Variants in KCNQ2 observed in about 807,000 individuals in gnomAD.
KCNQ2 encodes potassium voltage-gated channel subfamily KQT member 2.
Under a neutral mutation model 84.8 loss-of-function variants are expected in KCNQ2, and 14 were observed. The observed-to-expected ratio is 0.17, with a 90% confidence interval of 0.11 to 0.26. KCNQ2 has a LOEUF of 0.26. Ranked by LOEUF, KCNQ2 falls within the 10% of genes least tolerant of loss-of-function variation. KCNQ2 has a pLI of 1.00. For missense variants in KCNQ2, 788 were observed against 1,254.0 expected (o/e 0.63, Z 5.61); for synonymous variants, 599 against 554.1 (o/e 1.08, Z -1.14).
rs1391841712 is a variant in KCNQ2 at position 63,438,767 on chromosome 20, C to G, written c.928-47G>C. The G allele has an allele frequency of 6.4e-7, 1 of 1,552,028 alleles. No individual in the cohort carries two copies. Among genetic ancestry groups the G allele is most frequent in the Middle Eastern group, 1.7e-4 (1 of 5,918 alleles). On this transcript the variant is annotated intron_variant, in intron 6 of 16. Coordinates refer to ENST00000359125, the MANE Select transcript of KCNQ2 (RefSeq NM_172107.4). The surrounding 1 kb of genome is among the most constrained non-coding windows in gnomAD (Gnocchi z 5.1). Reference sequence around the variant, plus strand: ...TCACACCCCAGGGACCCCCCACACCCCAATTCATCAGGGTCAGACCATGCT... The same window carrying G: ...TCACACCCCAGGGACCCCCCACACCGCAATTCATCAGGGTCAGACCATGCT...
chr20:63,452,454 T>A (rs2081641733), intron 1 of KCNQ2, among the ~76,000 whole-genome samples: 1 of 151,998 alleles, frequency 6.6e-6, no homozygotes, highest in South Asian at 2.1e-4. Context: ...CGGCAGAGGG[T>A]CACTAGCTTC....
Position 63,451,331 on chromosome 20 carries a change from T to C in KCNQ2, c.297-4494A>G, listed in dbSNP as rs898065868. On this transcript the variant is annotated intron_variant, in intron 1 of 16. Transcript: ENST00000359125. ...GTATTAACCCTCTGTCTTGTGTCTT[T>C]TTCCTCATGATGTTAAACCTGGCTT... Among the ~76,000 whole-genome samples, 4 of 152,104 alleles carry C rather than the reference T, an allele frequency of 2.6e-5. No homozygotes were observed. In the South Asian group the frequency reaches 8.3e-4, roughly 32 times the overall value.
chr20:63,417,302 G>A (rs886910179), intron 12 of KCNQ2, among the ~76,000 whole-genome samples: 4 of 152,202 alleles, frequency 2.6e-5, no homozygotes, highest in African/African-American at 4.8e-5. Context: ...TTTCTCCACC[G>A]CACGAGCCAT....
chr20:63,463,218 C>T (rs2145878235), intron 1 of KCNQ2, among the ~76,000 whole-genome samples: 1 of 152,256 alleles, frequency 6.6e-6, no homozygotes, highest in African/African-American at 2.4e-5. Flanking sequence ...GCTACAATCA[C>T]ACCACTGCAC....
chr20:63,438,090 G>C lies in KCNQ2; in HGVS notation c.1023+535C>G, dbSNP rs2081058296. On this transcript the variant is annotated intron_variant, in intron 7 of 16. Transcript: ENST00000359125. This position sits in a 1 kb window ranked among gnomAD's most constrained non-coding sequence, Gnocchi z 5.1. ...CCCAAAGTGCTGGGATTGCAGGCGTGAGCCACTGTGCCCGGCCATTGTCTG... is the reference window on the plus strand; with the variant it reads ...CCCAAAGTGCTGGGATTGCAGGCGTCAGCCACTGTGCCCGGCCATTGTCTG... 1.8e-5 allele frequency: 3 copies of C among 166,534 alleles called. No individual in the cohort carries two copies. The highest frequency in any genetic ancestry group is 7.2e-5 in the African/African-American group (3 of 41,900). The allele number at this position is 166,534 out of a possible 1,614,324, so 10.3% of individuals were successfully genotyped here. A position where few individuals can be genotyped will look rare whatever the true frequency, so the allele number is the denominator to read the frequency against.
intron 4 of KCNQ2, among the ~76,000 whole-genome samples, chr20:63,442,733 A>C (rs2081219439): frequency 3.6e-5 from 1 of 27,892 alleles, no homozygotes; most frequent in Non-Finnish European, 7.3e-5. Context: ...CATCATCACC[A>C]CCTCCACCAT....
At chr20:63,452,587 C>G (rs1040181877) in intron 1 of KCNQ2, among the ~76,000 whole-genome samples, 8 of 152,244 alleles carry the variant, frequency 5.3e-5, no homozygotes, top group Non-Finnish European at 8.8e-5. Context: ...TGTATGCATA[C>G]AGTGGGCATC....
rs754682495 is a variant in KCNQ2, at chr20:63,424,192, G to T, written c.1232C>A (p.Pro411Gln). ...GGGCACTGACCTTGGAGACGGCTCC[G>T]GCGGGGGGTCCTTCCTTCAAACAGA... ...SGLAFRKDPP[P>Q]EPSPSKGSPC... The change falls in exon 11 of 17, where the codon CCG becomes CAG. Residue 411 changes from proline to glutamine, a missense_variant. Coordinates refer to ENST00000359125, the MANE Select transcript of KCNQ2 (RefSeq NM_172107.4). The T allele has an allele frequency of 1.3e-6, 2 of 1,556,060 alleles. No individual in the cohort carries two copies. The highest frequency in any genetic ancestry group is 2.4e-5 in the South Asian group (2 of 84,372).
At chr20:63,413,637 C>CA in intron 14 of KCNQ2, 56 bp from the exon 15 acceptor site, 3 of 1,607,006 alleles carry the variant, frequency 1.9e-6, no homozygotes, top group Non-Finnish European at 8.5e-7. Context: ...CGGCCACAGG[C>CA]ACCAGGACCT....
At chr20:63,465,434 T>G (rs570784712) in intron 1 of KCNQ2, among the ~76,000 whole-genome samples, 5 of 152,084 alleles carry the variant, frequency 3.3e-5, no homozygotes, top group Admixed American at 6.5e-5. Flanking sequence ...GGACAGAGCC[T>G]CCTCCTGCAG....
Position 63,414,214 on chromosome 20 carries a change from C to T in KCNQ2, c.1526-21G>A, listed in dbSNP as rs777720327. ...TGCTTCTGGGGGGAAGGAGACAGGC[C>T]GTGAGGGGCCGAGGGGGCCGGGAGA... On this transcript the variant is annotated intron_variant, in intron 13 of 16. Coordinates refer to ENST00000359125, the MANE Select transcript of KCNQ2 (RefSeq NM_172107.4). The surrounding 1 kb of genome is among the most constrained non-coding windows in gnomAD (Gnocchi z 6.6). The T allele has an allele frequency of 1.8e-5, 28 of 1,568,632 alleles. No homozygotes were observed. Among genetic ancestry groups the T allele is most frequent in the Non-Finnish European group, 2.1e-5 (24 of 1,139,602 alleles).
rs751372070 is a variant in KCNQ2, at chr20:63,415,146, C to CAGACAGAT, written c.1302-21_1302-20insATCTGTCT. 4 of 1,566,788 alleles carry CAGACAGAT rather than the reference C, an allele frequency of 2.6e-6. No individual in the cohort carries two copies. In the Admixed American group the frequency reaches 6.8e-5, roughly 27 times the overall value. On this transcript the variant is annotated intron_variant, in intron 12 of 16. Coordinates refer to ENST00000359125, the MANE Select transcript of KCNQ2 (RefSeq NM_172107.4). Reference sequence around the variant, plus strand: ...TTCTGGCTGCTCCCACGGGAACCGACAGACAGACAGAAAAACAGGGAGAGA... The same window carrying CAGACAGAT: ...TTCTGGCTGCTCCCACGGGAACCGACAGACAGATAGACAGACAGAAAAACAGGGAGAGA...
At position 63,408,834 on chromosome 20, in the gene KCNQ2, G is replaced by A. The variant is rs1432709561; in HGVS notation, c.1764-298C>T. Among the ~76,000 whole-genome samples the A allele has an allele frequency of 1.3e-5, 2 of 152,204 alleles. No homozygotes were observed. The highest frequency in any genetic ancestry group is 4.8e-5 in the African/African-American group (2 of 41,442). ...CGAGTCGCCCGGCTCCTCTCCGTGG[G>A]CTCCCGGCTCCATACCGCCCCCTCC... On this transcript the variant is annotated intron_variant, in intron 15 of 16. Transcript: ENST00000359125. This position sits in a 1 kb window ranked among gnomAD's most constrained non-coding sequence, Gnocchi z 5.0.
chr20:63,413,437 G>A lies in KCNQ2; in HGVS notation c.1763+13C>T. 2.5e-6 allele frequency: 4 copies of A among 1,612,904 alleles called. No individual in the cohort carries two copies. Among genetic ancestry groups the A allele is most frequent in the Non-Finnish European group, 3.4e-6 (4 of 1,179,924 alleles). On this transcript the variant is annotated intron_variant, in intron 15 of 16. Transcript: ENST00000359125. ...TTCTTGTCCCCTGCTGGACAGGCAG[G>A]CGGGGCTCTTGCCTGGACTGCAGGC... is the stretch of plus-strand genomic sequence containing the variant.
rs772153764 is a variant in KCNQ2, at chr20:63,407,401, G to A, written c.1888-26C>T. ...CTGCAAAAGGGGCTGCTGGGCTGGG[G>A]TGCGAGGGCCCGTCCCAGGAGATGT... On this transcript the variant is annotated intron_variant, in intron 16 of 16. Transcript: ENST00000359125. The surrounding 1 kb of genome is among the most constrained non-coding windows in gnomAD (Gnocchi z 7.2). 6 of 1,597,098 alleles carry A rather than the reference G, an allele frequency of 3.8e-6. No individual in the cohort carries two copies. The South Asian group carries it at 6.6e-5, about 18-fold the overall frequency.
At chr20:63,456,154 C>T (rs1439597591) in intron 1 of KCNQ2, among the ~76,000 whole-genome samples, 2 of 149,516 alleles carry the variant, frequency 1.3e-5, no homozygotes, top group Non-Finnish European at 3.0e-5. Context: ...CCCCCACCTC[C>T]GGGAGACCCC....
intron 1 of KCNQ2, among the ~76,000 whole-genome samples, chr20:63,457,933 C>A (rs753025784): frequency 6.6e-6 from 1 of 152,188 alleles, no homozygotes; most frequent in African/African-American, 2.4e-5. Context: ...CGCCTGCTCA[C>A]GGTCCCTGGA....
At position 63,443,322 on chromosome 20, in the gene KCNQ2, CCACCAT is replaced by C. The variant is rs1181142836; in HGVS notation, c.691-797_691-792del. 6.3e-4 allele frequency among the ~76,000 whole-genome samples: 25 copies of C among 39,878 alleles called. 1 individual carries two copies. The highest frequency in any genetic ancestry group is 1.4e-3 in the Admixed American group (6 of 4,294). The allele number at this position is 39,878 out of a possible 152,430, so 26.2% of individuals were successfully genotyped here. ...ACCACCATCACCATCATCACCACCA[CCACCAT>C]CACCATCACCACCATCACCACCACC... is the stretch of plus-strand genomic sequence containing the variant. On this transcript the variant is annotated intron_variant, in intron 4 of 16. Transcript: ENST00000359125.
chr20:63,472,324 G>A lies in KCNQ2; in HGVS notation c.140C>T (p.Ala47Val). The change falls in exon 1 of 17, where the codon GCC (alanine) becomes GTC (valine). Residue 47 changes from alanine to valine, a missense_variant. By Grantham distance (64) the Ala-to-Val change is moderately conservative. Transcript: ENST00000359125. The stretch of plus-strand genomic sequence containing the variant: ...GCTGAGGATGCTGCCGCGCTTGGGG[G>A]CCTCGGAGCCGGCGATCAGCAGCGC... ...DGALLIAGSE[A>V]PKRGSILSKP... 1.3e-6 allele frequency: 2 copies of A among 1,537,614 alleles called. No homozygotes were observed. Among genetic ancestry groups the A allele is most frequent in the Non-Finnish European group, 1.8e-6 (2 of 1,142,474 alleles).
Sources: gnomAD v4.1 joint callset for allele counts (sites outside exome capture counted in the v4.1 genomes callset) on GRCh38, gnomAD v4.1.1 for gene constraint, Gnocchi (gnomAD v3.1) non-coding constraint, MANE v1.5 for transcripts, NCBI Gene and HGNC (gene_info 2026-07-23, HGNC 2026-07-21) for gene names.